Variants in SLC2A7 observed in about 807,000 individuals in gnomAD.
The protein encoded by SLC2A7 is solute carrier family 2 member 7.
Under a neutral mutation model 50.5 loss-of-function variants are expected in SLC2A7, and 50 were observed. That is an observed-to-expected ratio of 0.99 (90% confidence interval 0.79 to 1.25). The LOEUF (loss-of-function observed/expected upper bound fraction) is 1.25, where lower values mean the gene tolerates loss of function less well. SLC2A7 is among the 50% of genes most tolerant of loss of function. The pLI is 0.00. For missense variants in SLC2A7, 683 were observed against 679.1 expected, an observed-to-expected ratio of 1.01 and a Z score of -0.06; for synonymous variants, 308 against 300.4, an observed-to-expected ratio of 1.03 and a Z score of -0.26.
chr1:9,025,201 G>A (rs1039034843), intron 1 of SLC2A7, 127 bp from the exon 2 acceptor site: 13 of 931,128 alleles, frequency 1.4e-5, no homozygotes, highest in South Asian at 7.5e-5. Context: ...CCGTGCCCCC[G>A]GAAAAGAGGA....
chr1:9,001,323 T>G (rs12047015), downstream of SLC2A7, among the ~76,000 whole-genome samples: 1 of 151,688 alleles, frequency 6.6e-6, no homozygotes, highest in Non-Finnish European at 1.5e-5. Context: ...GAAACCCACG[T>G]TATGACAATA....
chr1:9,006,313 T>C (rs964046043), intron 10 of SLC2A7, among the ~76,000 whole-genome samples: 33 of 152,222 alleles, frequency 2.2e-4, no homozygotes, highest in Non-Finnish European at 5.9e-5. Flanking sequence ...TGGAGTGCAG[T>C]GGTGGATCTT....
Position 9,010,185 on chromosome 1 carries a change from G to T in SLC2A7, c.1074C>A (p.Cys358Ter). 6.4e-7 allele frequency: 1 copy of T among 1,551,606 alleles called. No homozygotes were observed. Among genetic ancestry groups the T allele is most frequent in the African/African-American group, 1.4e-5 (1 of 73,166 alleles). The change falls in exon 9 of 12, where the codon TGC becomes TGA. Residue 358 changes from cysteine to a stop codon, truncating the protein, a stop_gained. Coordinates refer to ENST00000400906, the MANE Select transcript of SLC2A7 (RefSeq NM_207420.3). LOFTEE classifies it high-confidence loss of function. The part of the protein sequence containing the change: ...RHLLLAGYGI[C>*]GSACLVLTVV... ...CCGTCAGCACCAGGCAGGCAGAGCC[G>T]CAGATGCCGTAGCCGGCCAGCAGGA...
intron 7 of SLC2A7, among the ~76,000 whole-genome samples, chr1:9,014,231 C>T (rs1640792003): frequency 6.6e-6 from 1 of 152,250 alleles, no homozygotes; most frequent in South Asian, 2.1e-4. Context: ...GTCAGATCTC[C>T]ACCCTTCCCT....
At chr1:8,993,576 G>T in the SLC2A7 span, among the ~76,000 whole-genome samples, 11 of 152,124 alleles carry the variant, frequency 7.2e-5, no homozygotes. Context: ...ATGATATTAA[G>T]GAATTATTTT....
At chr1:9,018,086 T>C (rs1265785136) in intron 5 of SLC2A7, 137 bp downstream of exon 5, 2 of 1,180,926 alleles carry the variant, frequency 1.7e-6, no homozygotes, top group South Asian at 1.7e-5. Flanking sequence ...ACGTCACCCA[T>C]CCCTTTGCCC....
intron 6 of SLC2A7, 121 bp from the exon 7 acceptor site, chr1:9,014,989 C>A (rs942406202): frequency 4.7e-6 from 7 of 1,496,898 alleles, no homozygotes; most frequent in Admixed American, 4.3e-5. Flanking sequence ...CCAGTTGCCA[C>A]CCCCCCACCC....
chr1:9,024,827 G>A (rs938634937), intron 2 of SLC2A7, 149 bp downstream of exon 2: 1 of 793,510 alleles, frequency 1.3e-6, no homozygotes, highest in South Asian at 1.6e-5. Context: ...AGCATCCAGG[G>A]TACTAGGGCA....
intron 8 of SLC2A7, among the ~76,000 whole-genome samples, chr1:9,012,581 T>C (rs2124249356): frequency 6.6e-6 from 1 of 152,336 alleles, no homozygotes; most frequent in Non-Finnish European, 1.5e-5. Flanking sequence ...AAACTAGCTC[T>C]GGGGAAAATA....
chr1:9,025,177 T>G, intron 1 of SLC2A7, 103 bp from the exon 2 acceptor site: 1 of 1,211,470 alleles, frequency 8.3e-7, no homozygotes, highest in Non-Finnish European at 1.2e-6. Context: ...AAGTGGGGGA[T>G]GGGGGATCCC....
At chr1:9,017,595 G>A (rs763330277) in intron 5 of SLC2A7, among the ~76,000 whole-genome samples, 51 of 152,194 alleles carry the variant, frequency 3.4e-4, no homozygotes, top group Admixed American at 3.0e-3. Flanking sequence ...GGACTAAAAC[G>A]GACAATTTCC....
chr1:9,009,772 G>A (rs1007396031), intron 9 of SLC2A7, among the ~76,000 whole-genome samples: 1 of 152,200 alleles, frequency 6.6e-6, no homozygotes, highest in Non-Finnish European at 1.5e-5. Context: ...TCTACCTCTC[G>A]AATGGGGTGA....
rs977311525 is a variant in SLC2A7 at position 9,026,393 on chromosome 1, C to T, written c.-48G>A. The T allele has an allele frequency of 5.2e-6, 8 of 1,539,624 alleles. No individual in the cohort carries two copies. Among genetic ancestry groups the T allele is most frequent in the Non-Finnish European group, 7.0e-6 (8 of 1,135,948 alleles). On this transcript the variant is annotated 5_prime_UTR_variant, in exon 1 of 12. Coordinates refer to ENST00000400906, the MANE Select transcript of SLC2A7 (RefSeq NM_207420.3). ...GTGTGCTCTACCTCCCAAGTGACACCTGCTCTGCGCCAGCCACCTAAAGAC... is the reference window on the plus strand; with the variant it reads ...GTGTGCTCTACCTCCCAAGTGACACTTGCTCTGCGCCAGCCACCTAAAGAC...
intron 6 of SLC2A7, 60 bp downstream of exon 6, chr1:9,015,057 G>A (rs770587027): frequency 4.1e-5 from 66 of 1,601,778 alleles, no homozygotes; most frequent in African/African-American, 5.3e-5. Context: ...GGCCCTGACC[G>A]TGTCTCTGCC....
chr1:9,024,607 G>T (rs1340208581), intron 2 of SLC2A7, among the ~76,000 whole-genome samples: 1 of 151,822 alleles, frequency 6.6e-6, no homozygotes, highest in Non-Finnish European at 1.5e-5. Context: ...TTTCCCCTTT[G>T]CCCCAATCCC....
At chr1:9,007,493 G>A in intron 9 of SLC2A7, 108 bp from the exon 10 acceptor site, 4 of 1,011,254 alleles carry the variant, frequency 4.0e-6, no homozygotes, top group Non-Finnish European at 6.0e-6. Context: ...GCACCTAGAT[G>A]TCTGGGCACC....
chr1:8,994,780 T>C, the SLC2A7 span, among the ~76,000 whole-genome samples: 2 of 151,876 alleles, frequency 1.3e-5, no homozygotes, highest in African/African-American at 4.8e-5. Context: ...CTTTGTTTTG[T>C]TTTGTTTTGA....
the SLC2A7 span, among the ~76,000 whole-genome samples, chr1:8,994,918 TCAACAC>T: frequency 5.3e-5 from 8 of 151,498 alleles, no homozygotes; most frequent in Admixed American, 6.6e-5. Flanking sequence ...TTACAGGGGC[TCAACAC>T]CACGCCCAGC....
intron 5 of SLC2A7, among the ~76,000 whole-genome samples, chr1:9,015,472 G>C (rs940855175): frequency 6.6e-6 from 1 of 152,202 alleles, no homozygotes; most frequent in African/African-American, 2.4e-5. Flanking sequence ...TTTCTCTAAA[G>C]AATAGGCAAT....
Sources: allele counts gnomAD v4.1 joint callset (sites outside exome capture counted in the v4.1 genomes callset), GRCh38; gene constraint gnomAD v4.1.1; transcripts MANE v1.5; gene names NCBI Gene and HGNC (gene_info 2026-07-23, HGNC 2026-07-21).